Variants in RFWD3 observed in about 807,000 individuals in gnomAD.
RFWD3 encodes the protein E3 ubiquitin-protein ligase RFWD3.
Under a neutral mutation model 87.7 loss-of-function variants are expected in RFWD3, and 65 were observed. That is an observed-to-expected ratio of 0.74 (90% CI 0.61 to 0.91). The LOEUF (loss-of-function observed/expected upper bound fraction) is 0.91. Ranked by LOEUF, RFWD3 falls within the 40% of genes least tolerant of loss-of-function variation. The pLI is 0.00. For missense variants in RFWD3, 1,078 were observed against 938.5 expected, an observed-to-expected ratio of 1.15 and a Z score of -1.94; for synonymous variants, 433 against 352.8, an observed-to-expected ratio of 1.23 and a Z score of -2.55.
Position 74,626,449 on chromosome 16 carries a change from C to A in RFWD3, c.2075G>T (p.Gly692Val). The A allele has an allele frequency of 6.2e-7, 1 of 1,614,012 alleles. No homozygotes were observed. The highest frequency in any genetic ancestry group is 2.2e-5 in the East Asian group (1 of 44,898). The change falls in exon 12 of 13, where the codon GGA becomes GTA. Residue 692 changes from glycine to valine, a missense_variant. Physicochemically the swap from Gly to Val is moderately radical, Grantham distance 109. Transcript: ENST00000361070. Reference protein sequence around the residue: ...CSCQPVHTFFGGPTCKLLTKN... With the variant: ...CSCQPVHTFFVGPTCKLLTKN... ...GGTCAATAGTTTGCAAGTAGGTCCT[C>A]CAAAAAATGTATGTACAGGCTGGCA...
chr16:74,642,982 C>G (rs1019861851), intron 6 of RFWD3, among the ~76,000 whole-genome samples: 1 of 152,182 alleles, frequency 6.6e-6, no homozygotes, highest in African/African-American at 2.4e-5. Context: ...TCACCCATTA[C>G]AGCCACACGT....
At chr16:74,628,388 C>G in intron 11 of RFWD3, 64 bp downstream of exon 11, 3 of 1,489,430 alleles carry the variant, frequency 2.0e-6, no homozygotes, top group Non-Finnish European at 1.9e-6. Context: ...GGATCAAACC[C>G]TCCTTCCCTT....
intron 1 of RFWD3, among the ~76,000 whole-genome samples, chr16:74,662,143 A>G (rs1035082223): frequency 6.6e-6 from 1 of 151,136 alleles, no homozygotes; most frequent in Admixed American, 6.6e-5. Context: ...TAAACTAAAA[A>G]AAAAAATTTT....
At chr16:74,639,453 T>A (rs1351251465) in intron 6 of RFWD3, among the ~76,000 whole-genome samples, 1 of 152,232 alleles carries the variant, frequency 6.6e-6, no homozygotes, top group Non-Finnish European at 1.5e-5. Context: ...AAGGTCATTA[T>A]GCAGCACGTG....
intron 2 of RFWD3, among the ~76,000 whole-genome samples, chr16:74,660,335 G>C (rs919061583): frequency 6.6e-6 from 1 of 152,156 alleles, no homozygotes; most frequent in African/African-American, 2.4e-5. Flanking sequence ...CGCCTGTAAT[G>C]CCAGGTACTG....
chr16:74,630,951 C>T lies in RFWD3; in HGVS notation c.1584G>A (p.Glu528=). 1 of 1,605,688 alleles carries T rather than the reference C, an allele frequency of 6.2e-7. No homozygotes were observed. Among genetic ancestry groups the T allele is most frequent in the Non-Finnish European group, 8.5e-7 (1 of 1,177,846 alleles). ...TATAAGTCTGGACCACGGTATTTGT[C>T]TCCAGGCTGTGGAGTTACAAAAGAC... is the stretch of plus-strand genomic sequence containing the variant. ...LDNTIKLTSL[E]TNTVVQTYNA... is the part of the protein sequence containing the mutation. Residue 528 remains glutamate (E), a synonymous_variant, in exon 10 of 13, where the codon GAG becomes GAA. Transcript: ENST00000361070.
At chr16:74,647,645 G>A (rs1010494025) in intron 4 of RFWD3, among the ~76,000 whole-genome samples, 2 of 151,906 alleles carry the variant, frequency 1.3e-5, no homozygotes, top group Non-Finnish European at 2.9e-5. Flanking sequence ...AAGCTAGAGC[G>A]CAGTGACGCT....
At position 74,637,858 on chromosome 16, in the gene RFWD3, G is replaced by C. The variant is rs1959278434; in HGVS notation, c.1192C>G (p.Gln398Glu). Residue 398 changes from glutamine (Q) to glutamate (E), a missense_variant and splice_region_variant, in exon 7 of 13, where the codon CAG becomes GAG. Gln to Glu is a conservative substitution (Grantham distance 29). Transcript: ENST00000361070. ...TGGATTAGAAAGGACAAACGTACCTGAACACGCCTTTGAAGCCTAGTGCAC... is the reference window on the plus strand; with the variant it reads ...TGGATTAGAAAGGACAAACGTACCTCAACACGCCTTTGAAGCCTAGTGCAC... ...DKCTRLQRRV[Q>E]DLQKLTSHQS... 2 of 1,610,122 alleles carry C rather than the reference G, an allele frequency of 1.2e-6. No individual in the cohort carries two copies. Among genetic ancestry groups the C allele is most frequent in the Non-Finnish European group, 1.7e-6 (2 of 1,177,604 alleles).
At chr16:74,665,194 C>T (rs1441148178) in intron 1 of RFWD3, 1 of 152,178 alleles carries the variant, frequency 6.6e-6, no homozygotes, top group Non-Finnish European at 1.5e-5. Flanking sequence ...CGCCTGTGAT[C>T]CCTGGACACT....
chr16:74,637,647 T>C (rs1461523781), intron 7 of RFWD3, among the ~76,000 whole-genome samples: 1 of 151,998 alleles, frequency 6.6e-6, no homozygotes, highest in Non-Finnish European at 1.5e-5. Flanking sequence ...AAATAAAAAA[T>C]AAAATTCAGA....
At position 74,658,980 on chromosome 16, in the gene RFWD3, G is replaced by A. The variant is rs531847522; in HGVS notation, c.518+1952C>T. 9.2e-5 allele frequency among the ~76,000 whole-genome samples: 14 copies of A among 152,106 alleles called. No individual in the cohort carries two copies. The East Asian group carries it at 2.1e-3, about 23-fold the overall frequency. On this transcript the variant is annotated intron_variant, in intron 2 of 12. Transcript: ENST00000361070. ...GATGGGGTTTCACCATGTTGGCCTC[G>A]AACTCCTGGCCTAAAGGGATCCGCC...
intron 1 of RFWD3, among the ~76,000 whole-genome samples, chr16:74,661,810 C>T (rs2144362491): frequency 6.6e-6 from 1 of 152,228 alleles, no homozygotes; most frequent in Non-Finnish European, 1.5e-5. Flanking sequence ...GGACATTCAC[C>T]AAAATCAAAT....
At chr16:74,662,575 G>C (rs530828830) in intron 1 of RFWD3, among the ~76,000 whole-genome samples, 347 of 152,318 alleles carry the variant, frequency 2.3e-3, no homozygotes, top group Admixed American at 0.01. Context: ...CTTTTAAAGA[G>C]TGAAAATTGG....
chr16:74,661,577 C>T, intron 1 of RFWD3, 126 bp from the exon 2 acceptor site: 2 of 913,376 alleles, frequency 2.2e-6, no homozygotes, highest in Non-Finnish European at 3.2e-6. Context: ...TGAGAAGCTT[C>T]AAGAGAAGAT....
intron 8 of RFWD3, among the ~76,000 whole-genome samples, chr16:74,634,349 A>G (rs979740073): frequency 9.3e-5 from 14 of 150,954 alleles, no homozygotes; most frequent in African/African-American, 3.4e-4. Context: ...TTACTAGGCT[A>G]TGATAACATT....
At chr16:74,666,076 G>C (rs1197998096) in intron 1 of RFWD3, among the ~76,000 whole-genome samples, 2 of 152,030 alleles carry the variant, frequency 1.3e-5, no homozygotes, top group Non-Finnish European at 2.9e-5. Flanking sequence ...GGGAAGAGGA[G>C]GGAGAGGGAG....
At chr16:74,626,110 C>T (rs1958924997) in intron 12 of RFWD3, among the ~76,000 whole-genome samples, 2 of 152,076 alleles carry the variant, frequency 1.3e-5, no homozygotes, top group South Asian at 4.2e-4. Context: ...TCACTTGAAC[C>T]CAAGAAATAG....
chr16:74,649,352 G>A (rs1286005300), intron 3 of RFWD3, 150 bp from the exon 4 acceptor site: 6 of 523,274 alleles, frequency 1.1e-5, no homozygotes, highest in Non-Finnish European at 2.1e-5. Flanking sequence ...AACTTCCCCA[G>A]GTACCATCAG....
At chr16:74,657,498 C>A (rs375812818) in intron 2 of RFWD3, among the ~76,000 whole-genome samples, 2 of 117,956 alleles carry the variant, frequency 1.7e-5, no homozygotes, top group African/African-American at 6.8e-5. Flanking sequence ...TTTTTTGAGA[C>A]GGAGTCTCGC....
Sources: allele counts gnomAD v4.1 joint callset (sites outside exome capture counted in the v4.1 genomes callset), GRCh38; gene constraint gnomAD v4.1.1; transcripts MANE v1.5; gene names NCBI Gene and HGNC (gene_info 2026-07-23, HGNC 2026-07-21).